RBMS1: variants seen among roughly 807,000 people sequenced by gnomAD.
The protein encoded by RBMS1 is RNA-binding motif, single-stranded-interacting protein 1.
In RBMS1, 17 loss-of-function variants were observed where a neutral mutation model predicts 62.3. The observed-to-expected ratio is 0.27, with a 90% confidence interval of 0.19 to 0.41. The LOEUF is 0.41. RBMS1 is among the 10% of genes least tolerant of loss of function. The pLI, the probability that RBMS1 is intolerant of heterozygous loss-of-function variation, is 1.00. For missense variants in RBMS1, 334 were observed against 504.5 expected (o/e 0.66, Z 3.24); for synonymous variants, 172 against 170.0 (o/e 1.01, Z -0.09).
chr2:160,453,458 C>T (rs1276683958), intron 1 of RBMS1, among the ~76,000 whole-genome samples: 1 of 151,982 alleles, frequency 6.6e-6, no homozygotes, highest in Non-Finnish European at 1.5e-5. Flanking sequence ...CTGCATTTTC[C>T]AAATTATCCC....
chr2:160,493,181 G>A, intron 1 of RBMS1, 108 bp downstream of exon 1: 2 of 1,100,328 alleles, frequency 1.8e-6, no homozygotes, highest in Non-Finnish European at 2.6e-6. Flanking sequence ...CAGCAACTCC[G>A]CCCGGCGGTG....
chr2:160,407,738 G>C (rs1478332663), intron 1 of RBMS1: 1 of 981,238 alleles, frequency 1.0e-6, no homozygotes, highest in African/African-American at 1.8e-5. Context: ...TCGCCTAAAA[G>C]TACGGCGCGG....
At chr2:160,298,562 A>G (rs1236930801) in intron 6 of RBMS1, among the ~76,000 whole-genome samples, 2 of 152,106 alleles carry the variant, frequency 1.3e-5, no homozygotes, top group African/African-American at 4.8e-5. Context: ...TTAACACAAG[A>G]TGGGAAGAAA....
chr2:160,340,071 C>T (rs77201375), intron 2 of RBMS1, among the ~76,000 whole-genome samples: 2,155 of 152,220 alleles, frequency 0.014, 61 homozygotes, highest in African/African-American at 0.048. Flanking sequence ...GGCTTCTTCA[C>T]CAATGGTATT....
At chr2:160,418,340 T>A (rs1449263325) in intron 1 of RBMS1, among the ~76,000 whole-genome samples, 1 of 152,210 alleles carries the variant, frequency 6.6e-6, no homozygotes, top group African/African-American at 2.4e-5. Context: ...TCCACCCTTT[T>A]ACGGTACCTG....
chr2:160,324,882 G>GTGTATGTATA (rs1206910746), intron 2 of RBMS1, among the ~76,000 whole-genome samples: 1 of 100,016 alleles, frequency 1.0e-5, no homozygotes, highest in African/African-American at 4.2e-5. Flanking sequence ...GTGTGTGTGT[G>GTGTATGTATA]TATATATATA....
At chr2:160,301,206 C>T (rs546630156) in intron 5 of RBMS1, among the ~76,000 whole-genome samples, 1 of 152,194 alleles carries the variant, frequency 6.6e-6, no homozygotes, top group African/African-American at 2.4e-5. Flanking sequence ...TGAGAGGGTG[C>T]GCCTTATATG....
chr2:160,407,723 C>G (rs1695829958), intron 1 of RBMS1: 1 of 981,444 alleles, frequency 1.0e-6, no homozygotes. Context: ...CTTCGACCTC[C>G]GCACTCGCCT....
intron 4 of RBMS1, among the ~76,000 whole-genome samples, chr2:160,306,499 C>T (rs1030965928): frequency 2.0e-5 from 3 of 152,028 alleles, no homozygotes; most frequent in African/African-American, 7.2e-5. Flanking sequence ...TCAATAGCAA[C>T]GACCCTGTCG....
At chr2:160,468,742 T>C (rs1379173979) in intron 1 of RBMS1, among the ~76,000 whole-genome samples, 2 of 152,336 alleles carry the variant, frequency 1.3e-5, no homozygotes, top group African/African-American at 4.8e-5. Context: ...ATGTAAGACA[T>C]CATTAAAGTA....
chr2:160,490,957 A>G (rs963071471), intron 1 of RBMS1, among the ~76,000 whole-genome samples: 1 of 152,226 alleles, frequency 6.6e-6, no homozygotes, highest in Non-Finnish European at 1.5e-5. Flanking sequence ...CACAGAGGCA[A>G]GAATCATGAC....
chr2:160,324,937 C>CAT (rs1358167153), intron 2 of RBMS1, among the ~76,000 whole-genome samples: 3 of 141,558 alleles, frequency 2.1e-5, no homozygotes, highest in East Asian at 4.2e-4. Context: ...CACACACACA[C>CAT]ATATATATGC....
intron 2 of RBMS1, among the ~76,000 whole-genome samples, chr2:160,338,184 A>C (rs1194756333): frequency 1.3e-5 from 2 of 152,190 alleles, no homozygotes; most frequent in Non-Finnish European, 2.9e-5. Flanking sequence ...AGAATACCAG[A>C]TTTTCAAAAA....
chr2:160,380,700 T>TCGGA lies in RBMS1; in HGVS notation c.76-13313_76-13310dup, dbSNP rs1694246031. On this transcript the variant is annotated intron_variant, in intron 1 of 13. Coordinates refer to ENST00000348849, the MANE Select transcript of RBMS1 (RefSeq NM_016836.4). ...GTTGTTGTTTTGTTTCTGGTAAAGA[T>TCGGA]CGGAACCAAGCATGATAACTTCTAG... Among the ~76,000 whole-genome samples the TCGGA allele has an allele frequency of 2.6e-5, 4 of 152,296 alleles. No homozygotes were observed. In the South Asian group the frequency reaches 8.3e-4, roughly 32 times the overall value.
At chr2:160,464,209 C>T (rs1024897580) in intron 1 of RBMS1, among the ~76,000 whole-genome samples, 4 of 152,024 alleles carry the variant, frequency 2.6e-5, no homozygotes, top group East Asian at 3.9e-4. Context: ...GGATGGGCAC[C>T]ATGACATATC....
intron 2 of RBMS1, among the ~76,000 whole-genome samples, chr2:160,339,225 T>C (rs1691736051): frequency 6.6e-6 from 1 of 152,164 alleles, no homozygotes; most frequent in Non-Finnish European, 1.5e-5. Context: ...TTTCCCTTTT[T>C]CCTTTACCTG....
At chr2:160,426,335 A>AAGGGAAGG (rs58658592) in intron 1 of RBMS1, among the ~76,000 whole-genome samples, 1 of 93,236 alleles carries the variant, frequency 1.1e-5, no homozygotes, top group South Asian at 4.0e-4. Context: ...GGAAGGAAGG[A>AAGGGAAGG]AAGGAAGGAA....
intron 7 of RBMS1, among the ~76,000 whole-genome samples, chr2:160,286,303 CT>C (rs1221643184): frequency 3.0e-3 from 364 of 122,462 alleles, no homozygotes; most frequent in African/African-American, 8.6e-3. Flanking sequence ...TTCTTCCTTT[CT>C]TTTTTTTTTT....
chr2:160,332,310 C>G (rs893178222), intron 2 of RBMS1, among the ~76,000 whole-genome samples: 28 of 152,074 alleles, frequency 1.8e-4, no homozygotes, highest in Non-Finnish European at 3.5e-4. Flanking sequence ...TTTTAAAAAC[C>G]ACACCTCACA....
Sources: allele counts gnomAD v4.1 joint callset (sites outside exome capture counted in the v4.1 genomes callset), GRCh38; gene constraint gnomAD v4.1.1; transcripts MANE v1.5; gene names NCBI Gene and HGNC (gene_info 2026-07-23, HGNC 2026-07-21).